Variants in GDAP1 observed in about 807,000 individuals in gnomAD.
GDAP1 encodes the protein ganglioside-induced differentiation-associated protein 1.
GDAP1 carries 34 observed loss-of-function variants against 40.1 expected under a neutral mutation model. The observed-to-expected ratio is 0.85, with a 90% CI of 0.64 to 1.13. GDAP1 has a LOEUF of 1.13. Among genes scored for constraint, GDAP1 ranks in the 50% most tolerant of loss-of-function variants. The pLI is 0.00. For missense variants in GDAP1, 374 were observed against 433.7 expected (o/e 0.86, Z 1.22); for synonymous variants, 170 against 157.4 (o/e 1.08, Z -0.60).
intron 2 of GDAP1, among the ~76,000 whole-genome samples, chr8:74,457,174 G>A (rs1485498651): frequency 6.6e-6 from 1 of 152,066 alleles, no homozygotes; most frequent in African/African-American, 2.4e-5. Flanking sequence ...TAACTGGCAA[G>A]TGTTTGAGGA....
At chr8:74,363,257 T>C (rs1435399073) in intron 5 of GDAP1, among the ~76,000 whole-genome samples, 1 of 152,132 alleles carries the variant, frequency 6.6e-6, no homozygotes, top group Non-Finnish European at 1.5e-5. Flanking sequence ...ACGTGAAGGA[T>C]TTTTCTGCAT....
At chr8:74,426,263 T>G (rs1399115242) in intron 2 of GDAP1, among the ~76,000 whole-genome samples, 1 of 152,246 alleles carries the variant, frequency 6.6e-6, no homozygotes, top group Non-Finnish European at 1.5e-5. Context: ...ATGATACATT[T>G]ATCAAAATGG....
In GDAP1 at chr8:74,365,410, G is replaced by A. The variant is rs762978513; in HGVS notation, c.*1043G>A. 1 of 453,798 alleles carries A rather than the reference G, an allele frequency of 2.2e-6. No homozygotes were observed. Among genetic ancestry groups the A allele is most frequent in the South Asian group, 1.6e-5 (1 of 64,440 alleles). The allele number at this position is 453,798 out of a possible 1,614,324, so 28.1% of individuals were successfully genotyped here. ...CACTGATGTATGTTTAAGGGATTTG[G>A]GGGGGATACCTCAGTTCATGTGGAA... On this transcript the variant is annotated 3_prime_UTR_variant, in exon 6 of 6. Coordinates refer to ENST00000220822, the MANE Select transcript of GDAP1 (RefSeq NM_018972.4).
chr8:74,373,962 A>C (rs1809803174), intron 2 of GDAP1, among the ~76,000 whole-genome samples: 1 of 152,196 alleles, frequency 6.6e-6, no homozygotes, highest in Admixed American at 6.5e-5. Context: ...AGTTTTTAGC[A>C]TGAAGGGTTG....
chr8:74,447,445 G>A (rs908948425), intron 2 of GDAP1, among the ~76,000 whole-genome samples: 3 of 152,070 alleles, frequency 2.0e-5, no homozygotes, highest in African/African-American at 7.2e-5. Flanking sequence ...GAAATCTGAA[G>A]TGCTTCAGAA....
chr8:74,482,124 G>A (rs974516621), intron 2 of GDAP1, among the ~76,000 whole-genome samples: 6 of 148,638 alleles, frequency 4.0e-5, no homozygotes, highest in African/African-American at 1.2e-4. Flanking sequence ...TTTTTTGGGG[G>A]GGGGGGGTCA....
chr8:74,435,580 G>A (rs927794973), intron 2 of GDAP1, among the ~76,000 whole-genome samples: 11 of 152,190 alleles, frequency 7.2e-5, no homozygotes, highest in African/African-American at 2.7e-4. Flanking sequence ...AACTAAAGCA[G>A]GTTGTATTAA....
chr8:74,400,343 G>T (rs1448686605), intron 2 of GDAP1, among the ~76,000 whole-genome samples: 1 of 149,818 alleles, frequency 6.7e-6, no homozygotes, highest in Non-Finnish European at 1.5e-5. Context: ...TTGGATTAAA[G>T]TCTGTTTTAT....
At chr8:74,438,755 C>G (rs930595406) in intron 2 of GDAP1, among the ~76,000 whole-genome samples, 3 of 152,080 alleles carry the variant, frequency 2.0e-5, no homozygotes, top group Non-Finnish European at 4.4e-5. Flanking sequence ...TGCATACCAT[C>G]ACACCTGGCT....
intron 2 of GDAP1, among the ~76,000 whole-genome samples, chr8:74,479,161 T>A (rs1806674909): frequency 6.6e-6 from 1 of 152,244 alleles, no homozygotes; most frequent in Non-Finnish European, 1.5e-5. Flanking sequence ...ACAGACCTTA[T>A]AATAGTGTTG....
intron 2 of GDAP1, among the ~76,000 whole-genome samples, chr8:74,419,223 T>C (rs916963798): frequency 1.3e-5 from 2 of 152,214 alleles, no homozygotes. Flanking sequence ...AAAACGCTTA[T>C]ATAAATGTTT....
chr8:74,448,259 T>C (rs1177740156), intron 2 of GDAP1, among the ~76,000 whole-genome samples: 1 of 152,164 alleles, frequency 6.6e-6, no homozygotes, highest in Non-Finnish European at 1.5e-5. Flanking sequence ...GTATGTCTTT[T>C]TATGTCTTTT....
chr8:74,462,839 G>C (rs1806417278), intron 2 of GDAP1, among the ~76,000 whole-genome samples: 1 of 151,806 alleles, frequency 6.6e-6, no homozygotes, highest in Non-Finnish European at 1.5e-5. Flanking sequence ...GAATCTAGTA[G>C]ATTAGAAAGC....
chr8:74,471,215 G>A (rs1261961243), intron 2 of GDAP1, among the ~76,000 whole-genome samples: 1 of 151,994 alleles, frequency 6.6e-6, no homozygotes, highest in African/African-American at 2.4e-5. Flanking sequence ...CACTCTGATG[G>A]TAGTTTCTTT....
At chr8:74,422,208 T>C in intron 2 of GDAP1, among the ~76,000 whole-genome samples, 1 of 150,784 alleles carries the variant, frequency 6.6e-6, no homozygotes, top group African/African-American at 2.4e-5. Flanking sequence ...TCTTTCTTTC[T>C]CTCTCTTCTT....
intron 2 of GDAP1, among the ~76,000 whole-genome samples, chr8:74,480,712 C>T (rs1406899451): frequency 6.6e-6 from 1 of 152,170 alleles, no homozygotes; most frequent in African/African-American, 2.4e-5. Flanking sequence ...CTTTTAATGT[C>T]AAGTATGAAA....
chr8:74,380,756 G>A (rs1337247225), intron 2 of GDAP1, among the ~76,000 whole-genome samples: 4 of 151,940 alleles, frequency 2.6e-5, no homozygotes, highest in African/African-American at 4.8e-5. Context: ...TCTGTGGAAC[G>A]GACAATATTG....
At chr8:74,433,307 C>A (rs1198440002) in intron 2 of GDAP1, among the ~76,000 whole-genome samples, 1 of 152,198 alleles carries the variant, frequency 6.6e-6, no homozygotes, top group Non-Finnish European at 1.5e-5. Context: ...GTTTCTGCCC[C>A]CTTCCCTTCC....
intron 2 of GDAP1, among the ~76,000 whole-genome samples, chr8:74,436,097 T>G (rs918588498): frequency 3.3e-5 from 5 of 152,230 alleles, no homozygotes; most frequent in African/African-American, 1.2e-4. Flanking sequence ...CATAGATTGC[T>G]CATGGGAGAC....
Sources: allele counts gnomAD v4.1 joint callset (sites outside exome capture counted in the v4.1 genomes callset), GRCh38; gene constraint gnomAD v4.1.1; transcripts MANE v1.5; gene names NCBI Gene and HGNC (gene_info 2026-07-23, HGNC 2026-07-21).